The following LRRTM4 variants were observed in gnomAD, a reference collection of about 807,000 sequenced individuals.
LRRTM4 encodes the protein leucine-rich repeat transmembrane neuronal protein 4.
LRRTM4 carries 25 observed loss-of-function variants against 47.6 expected under a neutral mutation model. The ratio of observed to expected loss-of-function variants is 0.53; its 90% CI spans 0.38 to 0.73. LRRTM4 has a LOEUF of 0.73. LRRTM4 is among the 30% of genes least tolerant of loss of function. The pLI, the probability that LRRTM4 is intolerant of heterozygous loss-of-function variation, is 0.00. For synonymous variants in LRRTM4, 311 were observed against 269.5 expected, an observed-to-expected ratio of 1.15 and a Z score of -1.51; for missense variants, 638 against 713.4, an observed-to-expected ratio of 0.89 and a Z score of 1.20.
intron 3 of LRRTM4, among the ~76,000 whole-genome samples, chr2:77,013,781 T>C (rs557574878): frequency 3.3e-5 from 5 of 152,284 alleles, no homozygotes; most frequent in East Asian, 1.9e-4. Context: ...AGATAAAATA[T>C]TGAAATTTTT....
chr2:77,462,568 C>T (rs1198854973), intron 3 of LRRTM4, among the ~76,000 whole-genome samples: 9 of 151,582 alleles, frequency 5.9e-5, no homozygotes, highest in Admixed American at 4.6e-4. Flanking sequence ...AGGAAATGTC[C>T]CAGCATATGG....
At chr2:77,312,309 C>G (rs1443248977) in intron 3 of LRRTM4, among the ~76,000 whole-genome samples, 1 of 152,074 alleles carries the variant, frequency 6.6e-6, no homozygotes, top group African/African-American at 2.4e-5. Flanking sequence ...CTCTTTTGGA[C>G]TGTGATTGTT....
At chr2:77,270,843 T>C (rs566308402) in intron 3 of LRRTM4, among the ~76,000 whole-genome samples, 3 of 152,364 alleles carry the variant, frequency 2.0e-5, no homozygotes, top group South Asian at 2.1e-4. Flanking sequence ...ACCTATTTCA[T>C]GTGTAACTAC....
chr2:76,748,834 T>C lies in LRRTM4; in HGVS notation c.1634A>G (p.His545Arg), dbSNP rs1374412736. 1.9e-6 allele frequency: 3 copies of C among 1,613,998 alleles called. No individual in the cohort carries two copies. The highest frequency in any genetic ancestry group is 2.5e-6 in the Non-Finnish European group (3 of 1,179,880). Residue 545 changes from histidine to arginine, a missense_variant, in exon 4 of 4, where the codon CAT (histidine) becomes CGT (arginine). By Grantham distance (29) the His-to-Arg change is conservative. Transcript: ENST00000409884. ...CACTGTCTCATAGCCCTTGGTGACA[T>C]GGAGTGGCTGGTGGGCCTGGCAGTA... ...IGYCQAHQPL[H>R]VTKGYETVSP...
At chr2:77,332,081 C>A (rs1670993208) in intron 3 of LRRTM4, among the ~76,000 whole-genome samples, 1 of 152,084 alleles carries the variant, frequency 6.6e-6, no homozygotes, top group African/African-American at 2.4e-5. Context: ...CTTTCATCCC[C>A]AGTTTTCTAG....
At chr2:76,814,302 T>C (rs1395661951) in intron 3 of LRRTM4, among the ~76,000 whole-genome samples, 2 of 152,156 alleles carry the variant, frequency 1.3e-5, no homozygotes, top group Non-Finnish European at 2.9e-5. Context: ...AGCCAAGTGT[T>C]ACAACAAGAG....
intron 3 of LRRTM4, among the ~76,000 whole-genome samples, chr2:76,772,041 G>A (rs1296705050): frequency 6.6e-6 from 1 of 152,210 alleles, no homozygotes; most frequent in Non-Finnish European, 1.5e-5. Context: ...TGGACCGAAT[G>A]TTGTATCTCC....
rs1162276543 is a variant in LRRTM4, at chr2:76,787,817, G to A, written c.1552-38901C>T. On this transcript the variant is annotated intron_variant, in intron 3 of 3. Transcript: ENST00000409884. ...ATTTTCTTTTCTGTCCAAGGAAAAA[G>A]CCAGTTTCTGTCAGTTCATCTCACC... is the stretch of plus-strand genomic sequence containing the variant. Among the ~76,000 whole-genome samples, 5 of 152,164 alleles carry A rather than the reference G, an allele frequency of 3.3e-5. No homozygotes were observed. In the East Asian group the frequency reaches 5.8e-4, roughly 18 times the overall value.
intron 3 of LRRTM4, among the ~76,000 whole-genome samples, chr2:76,945,721 A>C (rs890289461): frequency 6.6e-6 from 1 of 151,392 alleles, no homozygotes; most frequent in African/African-American, 2.4e-5. Context: ...AAAATATGAA[A>C]TATGTCAAGC....
chr2:76,888,487 C>G (rs1231150479), intron 3 of LRRTM4, among the ~76,000 whole-genome samples: 1 of 151,372 alleles, frequency 6.6e-6, no homozygotes, highest in Non-Finnish European at 1.5e-5. Context: ...CATAAGTTTT[C>G]CTTTTTAAAA....
intron 3 of LRRTM4, among the ~76,000 whole-genome samples, chr2:77,150,485 A>T (rs1251227399): frequency 6.6e-6 from 1 of 152,182 alleles, no homozygotes; most frequent in Non-Finnish European, 1.5e-5. Context: ...CGATTGACTG[A>T]CTACATTTAT....
intron 3 of LRRTM4, among the ~76,000 whole-genome samples, chr2:77,164,780 A>C (rs924900640): frequency 1.3e-5 from 2 of 152,224 alleles, no homozygotes; most frequent in Non-Finnish European, 2.9e-5. Context: ...ACAAAGACAC[A>C]ACATGCCAAA....
chr2:77,439,813 TC>T (rs1210136713), intron 3 of LRRTM4, among the ~76,000 whole-genome samples: 1 of 152,152 alleles, frequency 6.6e-6, no homozygotes, highest in African/African-American at 2.4e-5. Context: ...TCCCATTTAA[TC>T]CTCAGAACAA....
chr2:76,841,980 T>C (rs1671697628), intron 3 of LRRTM4, among the ~76,000 whole-genome samples: 1 of 152,196 alleles, frequency 6.6e-6, no homozygotes, highest in Non-Finnish European at 1.5e-5. Context: ...ATTAATTTCA[T>C]GTATCACTAG....
intron 3 of LRRTM4, among the ~76,000 whole-genome samples, chr2:76,794,007 C>T (rs934651450): frequency 2.0e-5 from 3 of 152,148 alleles, no homozygotes; most frequent in Admixed American, 6.5e-5. Context: ...CTGTGTGTCT[C>T]TAATAGTAAT....
intron 3 of LRRTM4, among the ~76,000 whole-genome samples, chr2:76,947,225 C>G (rs942341493): frequency 4.0e-5 from 6 of 151,662 alleles, no homozygotes; most frequent in African/African-American, 1.5e-4. Context: ...TACTTAAATG[C>G]ACTTGATCCT....
intron 3 of LRRTM4, among the ~76,000 whole-genome samples, chr2:77,165,651 G>C (rs12185675): frequency 0.64 from 97,855 of 152,056 alleles, 31,480 homozygotes; most frequent in South Asian, 0.69. Flanking sequence ...AAGGCTGGTT[G>C]AACATATGCA....
At chr2:76,833,196 C>T (rs570905799) in intron 3 of LRRTM4, among the ~76,000 whole-genome samples, 7 of 152,220 alleles carry the variant, frequency 4.6e-5, no homozygotes, top group African/African-American at 1.2e-4. Context: ...AAGTAAATGA[C>T]CTCTGCAAGG....
intron 3 of LRRTM4, among the ~76,000 whole-genome samples, chr2:77,330,300 T>A (rs941282561): frequency 1.8e-4 from 27 of 152,152 alleles, no homozygotes; most frequent in African/African-American, 5.6e-4. Context: ...TCTTCATTAC[T>A]TACAATGTGC....
Sources: allele counts gnomAD v4.1 joint callset (sites outside exome capture counted in the v4.1 genomes callset), GRCh38; gene constraint gnomAD v4.1.1; transcripts MANE v1.5; gene names NCBI Gene and HGNC (gene_info 2026-07-23, HGNC 2026-07-21).